Variants in CNTNAP2 observed in about 807,000 individuals in gnomAD.
The protein encoded by CNTNAP2 is contactin-associated protein-like 2.
Under a neutral mutation model 155.2 loss-of-function variants are expected in CNTNAP2, and 98 were observed. The observed-to-expected ratio is 0.63, with a 90% confidence interval of 0.54 to 0.75. The LOEUF is 0.75. CNTNAP2 is among the 30% of genes least tolerant of loss of function. The pLI, the probability that CNTNAP2 is intolerant of heterozygous loss-of-function variation, is 0.00. For synonymous variants in CNTNAP2, 651 were observed against 631.2 expected (o/e 1.03, Z -0.47); for missense variants, 1,727 against 1,688.1 (o/e 1.02, Z -0.40).
Position 147,802,122 on chromosome 7 carries a change from C to A in CNTNAP2, c.2099-101443C>A, listed in dbSNP as rs1798005932. ...GACGGGGCGGCCGGGCAGAGACGCT[C>A]CTCACCTCCCAGACGGGGTCGCGGC... On this transcript the variant is annotated intron_variant, in intron 13 of 23. Transcript: ENST00000361727. 2.0e-5 allele frequency among the ~76,000 whole-genome samples: 3 copies of A among 148,832 alleles called. No homozygotes were observed. The South Asian group carries it at 6.4e-4, about 32-fold the overall frequency.
rs552676671 is a variant in CNTNAP2, at chr7:147,573,005, T to A, written c.1897+10748T>A. ...ATAGCAGCTAATCTCTCTTTTTATC[T>A]TGTGTCTTTGTCCAATCACCACAAC... is the stretch of plus-strand genomic sequence containing the variant. On this transcript the variant is annotated intron_variant, in intron 12 of 23. Transcript: ENST00000361727. Among the ~76,000 whole-genome samples, 5 of 152,302 alleles carry A rather than the reference T, an allele frequency of 3.3e-5. No homozygotes were observed. The South Asian group carries it at 1.0e-3, about 32-fold the overall frequency.
intron 14 of CNTNAP2, among the ~76,000 whole-genome samples, chr7:147,922,702 T>C (rs1800306066): frequency 6.6e-6 from 1 of 152,206 alleles, no homozygotes; most frequent in African/African-American, 2.4e-5. Flanking sequence ...TGCCCATCCA[T>C]TCCAGTTCTA....
chr7:148,017,474 T>C (rs1334699162), intron 15 of CNTNAP2, among the ~76,000 whole-genome samples: 1 of 152,240 alleles, frequency 6.6e-6, no homozygotes, highest in Non-Finnish European at 1.5e-5. Flanking sequence ...TAACTAAATA[T>C]ATAAGACCAA....
chr7:146,684,013 T>G (rs1391188665), intron 1 of CNTNAP2, among the ~76,000 whole-genome samples: 2 of 152,222 alleles, frequency 1.3e-5, no homozygotes, highest in Admixed American at 6.5e-5. Flanking sequence ...TCAAAAATTC[T>G]TGCTCTCCTT....
intron 13 of CNTNAP2, among the ~76,000 whole-genome samples, chr7:147,734,866 C>A (rs1796812888): frequency 6.6e-6 from 1 of 152,008 alleles, no homozygotes; most frequent in South Asian, 2.1e-4. Context: ...GGTGATATCC[C>A]CTTTATCATT....
chr7:147,294,240 G>A (rs1805374182), intron 8 of CNTNAP2, among the ~76,000 whole-genome samples: 1 of 152,192 alleles, frequency 6.6e-6, no homozygotes, highest in Admixed American at 6.5e-5. Flanking sequence ...CAAGGCCTAA[G>A]TGAAGATGTC....
chr7:147,585,482 CATT>C (rs1017793788), intron 12 of CNTNAP2, among the ~76,000 whole-genome samples: 11 of 149,108 alleles, frequency 7.4e-5, no homozygotes, highest in African/African-American at 2.4e-4. Flanking sequence ...TTTATTATCT[CATT>C]ATAGATATAT....
intron 21 of CNTNAP2, among the ~76,000 whole-genome samples, chr7:148,322,322 C>T (rs1446493760): frequency 2.0e-5 from 3 of 152,170 alleles, no homozygotes; most frequent in East Asian, 1.9e-4. Context: ...CCCTCTGCCA[C>T]GCTAGGCATT....
At chr7:147,957,436 G>A (rs1283385515) in intron 14 of CNTNAP2, among the ~76,000 whole-genome samples, 1 of 152,144 alleles carries the variant, frequency 6.6e-6, no homozygotes, top group Non-Finnish European at 1.5e-5. Flanking sequence ...AAATGAAATG[G>A]AAAATTAAAG....
chr7:148,036,461 A>T (rs1167969055), intron 15 of CNTNAP2, among the ~76,000 whole-genome samples: 1 of 152,076 alleles, frequency 6.6e-6, no homozygotes, highest in Non-Finnish European at 1.5e-5. Context: ...CGAATTGCTT[A>T]TAAAAGGATG....
At chr7:148,352,766 G>A (rs1798450366) in intron 21 of CNTNAP2, among the ~76,000 whole-genome samples, 1 of 152,210 alleles carries the variant, frequency 6.6e-6, no homozygotes. Flanking sequence ...ATCAAGGCAG[G>A]AAGCCAGGAC....
At chr7:146,216,953 T>C (rs1181114054) in intron 1 of CNTNAP2, among the ~76,000 whole-genome samples, 1 of 152,232 alleles carries the variant, frequency 6.6e-6, no homozygotes, top group East Asian at 1.9e-4. Flanking sequence ...CTAAGGCTCA[T>C]AAAACCGGGT....
At chr7:147,500,822 A>G (rs1798796285) in intron 11 of CNTNAP2, among the ~76,000 whole-genome samples, 1 of 152,200 alleles carries the variant, frequency 6.6e-6, no homozygotes. Context: ...TATATAGTAC[A>G]TGATATTCTT....
At position 147,114,730 on chromosome 7, in the gene CNTNAP2, G is replaced by C. The variant is rs1237400041; in HGVS notation, c.755-6249G>C. 2.6e-5 allele frequency among the ~76,000 whole-genome samples: 4 copies of C among 152,252 alleles called. No homozygotes were observed. The East Asian group carries it at 5.8e-4, about 22-fold the overall frequency. Reference sequence around the variant, plus strand: ...TTGCATGTGAGATGGGTCTCTTGAAGACAGCATACCATTGGGTCTTGGCTC... The same window carrying C: ...TTGCATGTGAGATGGGTCTCTTGAACACAGCATACCATTGGGTCTTGGCTC... On this transcript the variant is annotated intron_variant, in intron 5 of 23. Coordinates refer to ENST00000361727, the MANE Select transcript of CNTNAP2 (RefSeq NM_014141.6).
At chr7:148,050,955 G>A (rs1485203157) in intron 15 of CNTNAP2, among the ~76,000 whole-genome samples, 2 of 152,198 alleles carry the variant, frequency 1.3e-5, no homozygotes, top group Non-Finnish European at 2.9e-5. Flanking sequence ...GGCAGTTTGT[G>A]AAGTGCATTC....
chr7:146,327,457 G>A (rs1328234606), intron 1 of CNTNAP2, among the ~76,000 whole-genome samples: 3 of 152,192 alleles, frequency 2.0e-5, no homozygotes, highest in Admixed American at 6.5e-5. Flanking sequence ...ATTCTCTTCT[G>A]TTCATTCTGC....
At chr7:147,455,426 A>C (rs970397826) in intron 10 of CNTNAP2, among the ~76,000 whole-genome samples, 5 of 152,170 alleles carry the variant, frequency 3.3e-5, no homozygotes, top group African/African-American at 1.2e-4. Context: ...AATAAATAAC[A>C]ATGCCAGAAT....
At chr7:147,145,086 AG>A (rs1801674782) in intron 8 of CNTNAP2, among the ~76,000 whole-genome samples, 1 of 152,206 alleles carries the variant, frequency 6.6e-6, no homozygotes, top group African/African-American at 2.4e-5. Context: ...ACTTGTATTA[AG>A]TGTTTGATTT....
intron 1 of CNTNAP2, among the ~76,000 whole-genome samples, chr7:146,317,129 T>A (rs1800920787): frequency 1.3e-5 from 2 of 152,230 alleles, no homozygotes; most frequent in Admixed American, 1.3e-4. Flanking sequence ...CATTTTAATA[T>A]CTGATTATCA....
Sources: allele counts gnomAD v4.1 joint callset (sites outside exome capture counted in the v4.1 genomes callset), GRCh38; gene constraint gnomAD v4.1.1; transcripts MANE v1.5; gene names NCBI Gene and HGNC (gene_info 2026-07-23, HGNC 2026-07-21).